The following FEM1B variants were observed in gnomAD, a reference collection of about 807,000 sequenced individuals.
FEM1B encodes fem-1 homolog B.
Under a neutral mutation model 38.6 loss-of-function variants are expected in FEM1B, and 10 were observed. That is an observed-to-expected ratio of 0.26 (90% CI 0.16 to 0.44). The LOEUF (loss-of-function observed/expected upper bound fraction) is 0.44. FEM1B is among the 20% of genes least tolerant of loss of function. The pLI, the probability that FEM1B is intolerant of heterozygous loss-of-function variation, is 1.00. For synonymous variants in FEM1B, 288 were observed against 288.0 expected (o/e 1.00, Z 0.00); for missense variants, 471 against 786.7 (o/e 0.60, Z 4.80).
rs1164355148 is a variant in FEM1B at position 68,280,625 on chromosome 15, G to A, written c.248+1960G>A. On this transcript the variant is annotated intron_variant, in intron 1 of 1. Coordinates refer to ENST00000306917, the MANE Select transcript of FEM1B (RefSeq NM_015322.5). The surrounding 1 kb of genome is among the most constrained non-coding windows in gnomAD (Gnocchi z 4.2). ...AGAGGGGCAGCAGCTTGGTGCCCTT[G>A]CAGTGACTAGTGTTTCAGTGCTGTT... 6.6e-6 allele frequency among the ~76,000 whole-genome samples: 1 copy of A among 152,208 alleles called. No homozygotes were observed. Among genetic ancestry groups the A allele is most frequent in the Non-Finnish European group, 1.5e-5 (1 of 68,040 alleles).
chr15:68,290,809 GT>G lies in FEM1B; in HGVS notation c.1454del (p.Phe485SerfsTer41). On this transcript the variant is annotated frameshift_variant, in exon 2 of 2. Coordinates refer to ENST00000306917, the MANE Select transcript of FEM1B (RefSeq NM_015322.5). LOFTEE classifies it high-confidence loss of function. This position sits in a 1 kb window ranked among gnomAD's most constrained non-coding sequence, Gnocchi z 9.7. ...LIHLDPRTRE[G>X]FTLLHLAVNS... ...CACCTTGATCCCAGAACTCGTGAAG[GT>G]TTCACCTTGCTGCATCTGGCTGTCA... The G allele has an allele frequency of 6.2e-7, 1 of 1,614,114 alleles. No individual in the cohort carries two copies.
In FEM1B at chr15:68,278,555, C is replaced by G. The variant is rs764711464; in HGVS notation, c.138C>G (p.Arg46=). 2.5e-6 allele frequency: 4 copies of G among 1,614,154 alleles called. No individual in the cohort carries two copies. The East Asian group carries it at 8.9e-5, about 36-fold the overall frequency. Residue 46 remains arginine (R), a synonymous_variant, in exon 1 of 2, where the codon CGC becomes CGG. Transcript: ENST00000306917. This position sits in a 1 kb window ranked among gnomAD's most constrained non-coding sequence, Gnocchi z 5.7. The part of the protein sequence containing the change: ...LGYVSQQGGQ[R]STPLIIAARN... Reference sequence around the variant, plus strand: ...ATGTCAGCCAGCAGGGAGGGCAGCGCTCCACGCCCCTCATCATCGCAGCCC... The same window carrying G: ...ATGTCAGCCAGCAGGGAGGGCAGCGGTCCACGCCCCTCATCATCGCAGCCC...
Position 68,278,443 on chromosome 15 carries a change from A to T in FEM1B, c.26A>T (p.Tyr9Phe). The change falls in exon 1 of 2, where the codon TAC becomes TTC. Residue 9 changes from tyrosine (Y) to phenylalanine (F), a missense_variant. Physicochemically the swap from Tyr to Phe is conservative, Grantham distance 22 (BLOSUM62 3). Coordinates refer to ENST00000306917, the MANE Select transcript of FEM1B (RefSeq NM_015322.5). The surrounding 1 kb of genome is among the most constrained non-coding windows in gnomAD (Gnocchi z 5.7). ...ATGGAGGGCCTGGCTGGCTATGTAT[A>T]CAAGGCGGCCAGCGAGGGCAAGGTG... MEGLAGYV[Y>F]KAASEGKVLT... 1.2e-6 allele frequency: 2 copies of T among 1,612,990 alleles called. No homozygotes were observed. The highest frequency in any genetic ancestry group is 1.7e-6 in the Non-Finnish European group (2 of 1,179,904).
chr15:68,292,965 T>C lies in FEM1B; in HGVS notation c.*1723T>C, dbSNP rs978600818. 1.3e-5 allele frequency: 2 copies of C among 152,206 alleles called. No homozygotes were observed. The highest frequency in any genetic ancestry group is 2.9e-5 in the Non-Finnish European group (2 of 68,008). 9.4% of individuals were successfully genotyped at this position (152,206 alleles called of 1,614,324 possible). On this transcript the variant is annotated 3_prime_UTR_variant, in exon 2 of 2. Coordinates refer to ENST00000306917, the MANE Select transcript of FEM1B (RefSeq NM_015322.5). Reference sequence around the variant, plus strand: ...CTTGCTTCAGTTAGGAAGGTTTTGATGGTAAATTCTGTCATGGTAATAGAT... The same window carrying C: ...CTTGCTTCAGTTAGGAAGGTTTTGACGGTAAATTCTGTCATGGTAATAGAT...
chr15:68,290,396 C>G lies in FEM1B; in HGVS notation c.1038C>G (p.Pro346=). The G allele has an allele frequency of 6.2e-7, 1 of 1,614,128 alleles. No individual in the cohort carries two copies. Among genetic ancestry groups the G allele is most frequent in the Non-Finnish European group, 8.5e-7 (1 of 1,180,000 alleles). ...CTGACAATATTGATGTTTCTCATCC[C>G]ATCATTTACAGAGGAGCTGTTTATG... ...LGADNIDVSH[P]IIYRGAVYAD... Residue 346 remains proline (P), a synonymous_variant, in exon 2 of 2, where the codon CCC becomes CCG. Coordinates refer to ENST00000306917, the MANE Select transcript of FEM1B (RefSeq NM_015322.5). This position sits in a 1 kb window ranked among gnomAD's most constrained non-coding sequence, Gnocchi z 9.7.
Position 68,278,393 on chromosome 15 carries a change from A to G in FEM1B, c.-25A>G, listed in dbSNP as rs1410276877. 3.1e-6 allele frequency: 5 copies of G among 1,600,530 alleles called. No individual in the cohort carries two copies. Among genetic ancestry groups the G allele is most frequent in the Middle Eastern group, 1.9e-4 (1 of 5,234 alleles). Reference sequence around the variant, plus strand: ...CGGCAGCTGCAGCGGTGGCGACCAAACGGGTGTTGGAGTTGGCGGCGGCCA... The same window carrying G: ...CGGCAGCTGCAGCGGTGGCGACCAAGCGGGTGTTGGAGTTGGCGGCGGCCA... On this transcript the variant is annotated 5_prime_UTR_variant, in exon 1 of 2. Transcript: ENST00000306917. This position sits in a 1 kb window ranked among gnomAD's most constrained non-coding sequence, Gnocchi z 5.7.
rs563748477 is a variant in FEM1B, at chr15:68,295,655, T to C, written c.*4413T>C. ...TTTTGTCAAACCATTTATGTGACTT[T>C]AATAAACATAGTAAACTTGCTGACT... On this transcript the variant is annotated 3_prime_UTR_variant, in exon 2 of 2. Coordinates refer to ENST00000306917, the MANE Select transcript of FEM1B (RefSeq NM_015322.5). 1 of 152,370 alleles carries C rather than the reference T, an allele frequency of 6.6e-6. No individual in the cohort carries two copies. The highest frequency in any genetic ancestry group is 2.1e-4 in the South Asian group (1 of 4,828). The allele number at this position is 152,370 out of a possible 1,614,324, so 9.4% of individuals were successfully genotyped here. A position where few individuals can be genotyped will look rare whatever the true frequency, so the allele number is the denominator to read the frequency against.
chr15:68,284,257 G>A lies in FEM1B; in HGVS notation c.249-5350G>A, dbSNP rs1207839964. On this transcript the variant is annotated intron_variant, in intron 1 of 1. Transcript: ENST00000306917. This position sits in a 1 kb window ranked among gnomAD's most constrained non-coding sequence, Gnocchi z 4.4. The stretch of plus-strand genomic sequence containing the variant: ...AACTATAATATAATAGTATAATAGG[G>A]CATAATAATAGTACCTACCTCACAG... Among the ~76,000 whole-genome samples the A allele has an allele frequency of 6.6e-6, 1 of 151,950 alleles. No individual in the cohort carries two copies. Among genetic ancestry groups the A allele is most frequent in the Non-Finnish European group, 1.5e-5 (1 of 68,014 alleles).
In FEM1B at chr15:68,284,637, T is replaced by C. The variant is rs1272055000; in HGVS notation, c.249-4970T>C. Among the ~76,000 whole-genome samples the C allele has an allele frequency of 2.0e-5, 3 of 152,218 alleles. No individual in the cohort carries two copies. The highest frequency in any genetic ancestry group is 6.5e-5 in the Admixed American group (1 of 15,286). On this transcript the variant is annotated intron_variant, in intron 1 of 1. Transcript: ENST00000306917. This position sits in a 1 kb window ranked among gnomAD's most constrained non-coding sequence, Gnocchi z 4.4. ...CTCTAGATCAATGTGTAGAACACTT[T>C]ATCACTCTAAAAGTTTCCCTTGTGC...
intron 1 of FEM1B, among the ~76,000 whole-genome samples, chr15:68,285,965 A>G (rs1892780047): frequency 6.7e-6 from 1 of 148,722 alleles, no homozygotes; most frequent in African/African-American, 2.5e-5. Context: ...AGAAATTGTG[A>G]TCAACACTAA....
At chr15:68,287,896 C>T (rs988541496) in intron 1 of FEM1B, among the ~76,000 whole-genome samples, 1 of 148,300 alleles carries the variant, frequency 6.7e-6, no homozygotes, top group Non-Finnish European at 1.5e-5. Flanking sequence ...TGCAGTGGCA[C>T]GATGTCAGCT....
Position 68,288,897 on chromosome 15 carries a change from CCT to C in FEM1B, c.249-709_249-708del, listed in dbSNP as rs751466645. ...TGAACATATTTGTTTACTAGAGTCC[CCT>C]TTGTGCTTTCTCCCATTTCACTACC... On this transcript the variant is annotated intron_variant, in intron 1 of 1. Coordinates refer to ENST00000306917, the MANE Select transcript of FEM1B (RefSeq NM_015322.5). The surrounding 1 kb of genome is among the most constrained non-coding windows in gnomAD (Gnocchi z 4.6). 2.6e-5 allele frequency among the ~76,000 whole-genome samples: 4 copies of C among 151,966 alleles called. No homozygotes were observed. The highest frequency in any genetic ancestry group is 4.4e-5 in the Non-Finnish European group (3 of 68,000).
chr15:68,293,005 C>T lies in FEM1B; in HGVS notation c.*1763C>T, dbSNP rs934529237. 5.3e-5 allele frequency: 8 copies of T among 152,080 alleles called. No homozygotes were observed. The East Asian group carries it at 1.3e-3, about 26-fold the overall frequency. 9.4% of individuals were successfully genotyped at this position (152,080 alleles called of 1,614,324 possible). ...TGGTAATAGATACCTATTTTCCTAA[C>T]CTGAGATTTTACAAGGAAGGTTTTT... On this transcript the variant is annotated 3_prime_UTR_variant, in exon 2 of 2. Transcript: ENST00000306917. This position sits in a 1 kb window ranked among gnomAD's most constrained non-coding sequence, Gnocchi z 5.8.
At position 68,288,855 on chromosome 15, in the gene FEM1B, A is replaced by G. The variant is rs937739486; in HGVS notation, c.249-752A>G. The stretch of plus-strand genomic sequence containing the variant: ...AGAAAAATGCACTAATTATAAATAT[A>G]TAAAAATTTCACAAAGTGAACATAT... On this transcript the variant is annotated intron_variant, in intron 1 of 1. Coordinates refer to ENST00000306917, the MANE Select transcript of FEM1B (RefSeq NM_015322.5). The surrounding 1 kb of genome is among the most constrained non-coding windows in gnomAD (Gnocchi z 4.6). Among the ~76,000 whole-genome samples the G allele has an allele frequency of 3.9e-5, 6 of 152,230 alleles. No individual in the cohort carries two copies. The highest frequency in any genetic ancestry group is 5.9e-5 in the Non-Finnish European group (4 of 68,046).
In FEM1B at chr15:68,290,720, T is replaced by C; in HGVS notation, c.1362T>C (p.Ser454=). 3 of 1,614,138 alleles carry C rather than the reference T, an allele frequency of 1.9e-6. No individual in the cohort carries two copies. The highest frequency in any genetic ancestry group is 1.7e-6 in the Non-Finnish European group (2 of 1,180,012). ...LYTFLYLVCI[S]TKTQCSEEDQ... ...CCTTTCTGTATTTAGTGTGCATCTC[T>C]ACCAAAACACAGTGCAGCGAAGAAG... The change falls in exon 2 of 2, where the codon TCT becomes TCC. Residue 454 remains serine (S), a synonymous_variant. Coordinates refer to ENST00000306917, the MANE Select transcript of FEM1B (RefSeq NM_015322.5). The surrounding 1 kb of genome is among the most constrained non-coding windows in gnomAD (Gnocchi z 9.7).
At position 68,294,143 on chromosome 15, in the gene FEM1B, G is replaced by A. The variant is rs1384254857; in HGVS notation, c.*2901G>A. 6.6e-6 allele frequency: 1 copy of A among 152,080 alleles called. No homozygotes were observed. Among genetic ancestry groups the A allele is most frequent in the African/African-American group, 2.4e-5 (1 of 41,396 alleles). The allele number at this position is 152,080 out of a possible 1,614,324, so 9.4% of individuals were successfully genotyped here. On this transcript the variant is annotated 3_prime_UTR_variant, in exon 2 of 2. Transcript: ENST00000306917. The surrounding 1 kb of genome is among the most constrained non-coding windows in gnomAD (Gnocchi z 4.4). Reference sequence around the variant, plus strand: ...TAACTATTTAACTCAAGGAATGGGCGGCAAACCCATCCCCTCGATTGATAA... The same window carrying A: ...TAACTATTTAACTCAAGGAATGGGCAGCAAACCCATCCCCTCGATTGATAA...
At position 68,286,804 on chromosome 15, in the gene FEM1B, AAAAT is replaced by A. The variant is rs368864440; in HGVS notation, c.249-2800_249-2797del. Reference sequence around the variant, plus strand: ...ATCATGACAATAAAAACATAACAAAAAAATAACAAAAGTGAATTTTAATTAAACT... The same window carrying A: ...ATCATGACAATAAAAACATAACAAAAAACAAAAGTGAATTTTAATTAAACT... On this transcript the variant is annotated intron_variant, in intron 1 of 1. Transcript: ENST00000306917. Among the ~76,000 whole-genome samples the A allele has an allele frequency of 1.6e-3, 237 of 149,610 alleles. 1 individual carries two copies. The highest frequency in any genetic ancestry group is 5.9e-3 in the African/African-American group (230 of 38,960).
At chr15:68,287,781 C>T (rs1023642970) in intron 1 of FEM1B, among the ~76,000 whole-genome samples, 3 of 150,828 alleles carry the variant, frequency 2.0e-5, no homozygotes, top group African/African-American at 7.3e-5. Flanking sequence ...CCTGTGTCCT[C>T]ACATGGTGGA....
chr15:68,286,893 A>ATTCT (rs1282427346), intron 1 of FEM1B, among the ~76,000 whole-genome samples: 2 of 152,274 alleles, frequency 1.3e-5, no homozygotes, highest in African/African-American at 4.8e-5. Context: ...TTCTTGATTC[A>ATTCT]TTCTTTTTTT....
Sources: gnomAD v4.1 joint callset for allele counts (sites outside exome capture counted in the v4.1 genomes callset) on GRCh38, gnomAD v4.1.1 for gene constraint, Gnocchi (gnomAD v3.1) non-coding constraint, MANE v1.5 for transcripts, NCBI Gene and HGNC (gene_info 2026-07-23, HGNC 2026-07-21) for gene names.